IDH3B: variants seen among roughly 807,000 people sequenced by gnomAD.
The protein encoded by IDH3B is isocitrate dehydrogenase (NAD(+)) 3 non-catalytic subunit beta.
In IDH3B, 40 loss-of-function variants were observed where a neutral mutation model predicts 47.5. The observed-to-expected ratio is 0.84, with a 90% CI of 0.65 to 1.10. The LOEUF is 1.10. Among genes scored for constraint, IDH3B ranks in the 50% least tolerant of loss-of-function variants. The pLI, the probability that IDH3B is intolerant of heterozygous loss-of-function variation, is 0.00. For synonymous variants in IDH3B, 185 were observed against 191.0 expected (o/e 0.97, Z 0.26); for missense variants, 450 against 505.2 (o/e 0.89, Z 1.05).
chr20:2,661,939 T>C (rs1031442255), intron 4 of IDH3B, among the ~76,000 whole-genome samples: 1 of 151,968 alleles, frequency 6.6e-6, no homozygotes, highest in African/African-American at 2.4e-5. Flanking sequence ...AATCGTCCCA[T>C]CCAGGGCTAA....
At chr20:2,663,253 C>T (rs1304303164) in intron 4 of IDH3B, among the ~76,000 whole-genome samples, 193 bp downstream of exon 4, 1 of 152,202 alleles carries the variant, frequency 6.6e-6, no homozygotes, top group Non-Finnish European at 1.5e-5. Context: ...ACCCCTGGAA[C>T]TTTTCTGCAT....
chr20:2,659,226 C>T (rs2086889069), intron 11 of IDH3B: 4 of 1,440,654 alleles, frequency 2.8e-6, no homozygotes, highest in African/African-American at 1.4e-5. Flanking sequence ...GCTGTTCCAC[C>T]CCCAAGGAGA....
intron 11 of IDH3B, chr20:2,659,310 G>T: frequency 1.3e-6 from 2 of 1,512,770 alleles, no homozygotes; most frequent in Non-Finnish European, 1.8e-6. Context: ...CAGCAGATGG[G>T]ATCTAAGAGG....
intron 4 of IDH3B, among the ~76,000 whole-genome samples, chr20:2,663,034 G>A (rs888988863): frequency 6.6e-6 from 1 of 152,012 alleles, no homozygotes; most frequent in Non-Finnish European, 1.5e-5. Flanking sequence ...GGCTGAGGCA[G>A]GAGAATTGCT....
Position 2,660,552 on chromosome 20 carries a change from T to C in IDH3B, c.570A>G (p.Thr190=), listed in dbSNP as rs1199961090. ...TTGCAATCCGCTGAGACTTGGCTCGTGTGACAATCTTCAAACACTCAATCA... is the reference window on the plus strand; with the variant it reads ...TTGCAATCCGCTGAGACTTGGCTCGCGTGACAATCTTCAAACACTCAATCA... ...RGVIECLKIV[T]RAKSQRIAKF... is the part of the protein sequence containing the mutation. Residue 190 remains threonine (T), a synonymous_variant, in exon 7 of 12, where the codon ACA becomes ACG. Transcript: ENST00000380843. This position sits in a 1 kb window ranked among gnomAD's most constrained non-coding sequence, Gnocchi z 5.6. The C allele has an allele frequency of 1.9e-6, 3 of 1,614,108 alleles. No homozygotes were observed. The Admixed American group carries it at 5.0e-5, about 27-fold the overall frequency.
chr20:2,663,926 T>C lies in IDH3B; in HGVS notation c.116A>G (p.Gln39Arg), dbSNP rs772845236. ...SAAAHAASRS[Q>R]AEDVRVEGSF... ...GACCCCAGCCAGATTCGTGCATACCTGGCTCCGCGATGCAGCGTGCGCCGC... is the reference window on the plus strand; with the variant it reads ...GACCCCAGCCAGATTCGTGCATACCCGGCTCCGCGATGCAGCGTGCGCCGC... Residue 39 changes from glutamine to arginine, a missense_variant and splice_region_variant, in exon 2 of 12, where the codon CAG becomes CGG. Physicochemically the swap from Gln to Arg is conservative, Grantham distance 43. Coordinates refer to ENST00000380843, the MANE Select transcript of IDH3B (RefSeq NM_006899.5). 6 of 1,613,912 alleles carry C rather than the reference T, an allele frequency of 3.7e-6. No individual in the cohort carries two copies. In the East Asian group the frequency reaches 1.3e-4, roughly 36 times the overall value.
At chr20:2,661,177 C>CTGTGTGTGTG (rs71329398) in intron 4 of IDH3B, among the ~76,000 whole-genome samples, 2,868 of 150,128 alleles carry the variant, frequency 0.019, 39 homozygotes, top group East Asian at 0.068. Flanking sequence ...ATTGCATTTT[C>CTGTGTGTGTG]TGTGTGTGTG....
At position 2,662,575 on chromosome 20, in the gene IDH3B, T is replaced by C. The variant is rs183967967; in HGVS notation, c.337+871A>G. Among the ~76,000 whole-genome samples, 243 of 152,134 alleles carry C rather than the reference T, an allele frequency of 1.6e-3. 1 individual carries two copies. Among genetic ancestry groups the C allele is most frequent in the Middle Eastern group, 6.8e-3 (2 of 294 alleles). Reference sequence around the variant, plus strand: ...GGCTCACGCCTATAATCGCAGCAGTTTGGGATGCAGAGGTGGGTGGATCAC... The same window carrying C: ...GGCTCACGCCTATAATCGCAGCAGTCTGGGATGCAGAGGTGGGTGGATCAC... On this transcript the variant is annotated intron_variant, in intron 4 of 11. Coordinates refer to ENST00000380843, the MANE Select transcript of IDH3B (RefSeq NM_006899.5).
Position 2,663,497 on chromosome 20 carries a change from T to G in IDH3B, c.286A>C (p.Lys96Gln). Residue 96 changes from lysine to glutamine, a missense_variant, in exon 4 of 12, where the codon AAG becomes CAG. Lys to Gln is a moderately conservative substitution (Grantham distance 53). Transcript: ENST00000380843. ...SEVQNMASEE[K>Q]LEQVLSSMKE... Reference sequence around the variant, plus strand: ...ATGGAACTCAGCACCTGCTCCAGCTTCTCCTCAGATGCCATATTCTGCACC... The same window carrying G: ...ATGGAACTCAGCACCTGCTCCAGCTGCTCCTCAGATGCCATATTCTGCACC... The G allele has an allele frequency of 6.2e-7, 1 of 1,614,212 alleles. No homozygotes were observed. The highest frequency in any genetic ancestry group is 8.5e-7 in the Non-Finnish European group (1 of 1,180,030).
rs1279789399 is a variant in IDH3B at position 2,658,555 on chromosome 20, C to T, written c.*196G>A. On this transcript the variant is annotated 3_prime_UTR_variant, in exon 12 of 12. Transcript: ENST00000380843. ...GGAGAATCATCATCATCCATGTGGC[C>T]TGGGCTCCATCCTAACAATCCCCAT... 6.2e-7 allele frequency: 1 copy of T among 1,613,268 alleles called. No homozygotes were observed. Among genetic ancestry groups the T allele is most frequent in the East Asian group, 2.2e-5 (1 of 44,872 alleles).
chr20:2,659,362 T>C, intron 11 of IDH3B, 163 bp downstream of exon 11: 1 of 1,575,278 alleles, frequency 6.3e-7, no homozygotes, highest in Non-Finnish European at 8.6e-7. Context: ...AGAAGGGAGA[T>C]GAAGAACAGC....
At chr20:2,659,224 AC>A (rs1314836503) in intron 11 of IDH3B, 6 of 1,432,790 alleles carry the variant, frequency 4.2e-6, no homozygotes, top group African/African-American at 3.0e-5. Context: ...TTGCTGTTCC[AC>A]CCCCAAGGAG....
chr20:2,663,287 C>T (rs536801561), intron 4 of IDH3B, among the ~76,000 whole-genome samples, 159 bp downstream of exon 4: 1 of 152,262 alleles, frequency 6.6e-6, no homozygotes, highest in Non-Finnish European at 1.5e-5. Flanking sequence ...GATCTCTCAA[C>T]TCCTGGGCTC....
In IDH3B at chr20:2,663,343, G is replaced by A. The variant is rs988786372; in HGVS notation, c.337+103C>T. 4 of 1,366,018 alleles carry A rather than the reference G, an allele frequency of 2.9e-6. No individual in the cohort carries two copies. The African/African-American group carries it at 5.7e-5, about 19-fold the overall frequency. The allele number at this position is 1,366,018 out of a possible 1,614,324, so 84.6% of individuals were successfully genotyped here. A position where few individuals can be genotyped will look rare whatever the true frequency, so the allele number is the denominator to read the frequency against. ...TCCAAATACCAATGGTGGTTGCCCT[G>A]GAGTTAATATAATTGCATAGCATGT... On this transcript the variant is annotated intron_variant, in intron 4 of 11. Transcript: ENST00000380843.
Position 2,663,434 on chromosome 20 carries a change from G to A in IDH3B, c.337+12C>T. 4 of 1,614,054 alleles carry A rather than the reference G, an allele frequency of 2.5e-6. No individual in the cohort carries two copies. Among genetic ancestry groups the A allele is most frequent in the Non-Finnish European group, 3.4e-6 (4 of 1,179,918 alleles). ...AATGGCACATGGACAAGTGGCAAGA[G>A]GGCACACATACCAATGATGGCCACT... On this transcript the variant is annotated intron_variant, in intron 4 of 11. Transcript: ENST00000380843.
At position 2,660,998 on chromosome 20, in the gene IDH3B, T is replaced by C. The variant is rs1015155401; in HGVS notation, c.338-29A>G. 1 of 1,608,980 alleles carries C rather than the reference T, an allele frequency of 6.2e-7. No individual in the cohort carries two copies. ...TGAAAACAAAGTGGGAAAAGGAGTG[T>C]CAGCCACAGGCCAAGCCCAAGGGAA... On this transcript the variant is annotated intron_variant, in intron 4 of 11. Coordinates refer to ENST00000380843, the MANE Select transcript of IDH3B (RefSeq NM_006899.5). The surrounding 1 kb of genome is among the most constrained non-coding windows in gnomAD (Gnocchi z 5.6).
rs71329398 is a variant in IDH3B at position 2,661,177 on chromosome 20, C to CTGTGTGTG, written c.338-216_338-209dup. On this transcript the variant is annotated intron_variant, in intron 4 of 11. Transcript: ENST00000380843. ...AGAAACATTTCATCTATTGCATTTT[C>CTGTGTGTG]TGTGTGTGTGTGTGTGTGTGTGTGT... Among the ~76,000 whole-genome samples, 1,340 of 150,148 alleles carry CTGTGTGTG rather than the reference C, an allele frequency of 8.9e-3. 22 individuals carry two copies. The highest frequency in any genetic ancestry group is 0.051 in the Admixed American group (774 of 15,106).
chr20:2,663,721 G>C lies in IDH3B; in HGVS notation c.155C>G (p.Thr52Ser). The change falls in exon 3 of 12, where the codon ACC becomes AGC. Residue 52 changes from threonine (T) to serine (S), a missense_variant. Transcript: ENST00000380843. ...CCCCACACCGTCTCCCGGAAGCATGGTCACGGGAAAGGAGCCCTCCACCCT... is the reference window on the plus strand; with the variant it reads ...CCCCACACCGTCTCCCGGAAGCATGCTCACGGGAAAGGAGCCCTCCACCCT... ...DVRVEGSFPV[T>S]MLPGDGVGPE... 1 of 1,614,178 alleles carries C rather than the reference G, an allele frequency of 6.2e-7. No individual in the cohort carries two copies. Among genetic ancestry groups the C allele is most frequent in the African/African-American group, 1.3e-5 (1 of 75,058 alleles).
In IDH3B at chr20:2,663,579, G is replaced by A. The variant is rs772312939; in HGVS notation, c.217-13C>T. On this transcript the variant is annotated splice_polypyrimidine_tract_variant and intron_variant, in intron 3 of 11. Transcript: ENST00000380843. ...GGACAGCGGCAGCCTTCAGAGACAG[G>A]TTCCCAAAACATCACAGTCAAGGCC... is the stretch of plus-strand genomic sequence containing the variant. 2.5e-6 allele frequency: 4 copies of A among 1,614,132 alleles called. No homozygotes were observed. The highest frequency in any genetic ancestry group is 2.5e-6 in the Non-Finnish European group (3 of 1,180,034).
Sources: allele counts gnomAD v4.1 joint callset (sites outside exome capture counted in the v4.1 genomes callset), GRCh38; gene constraint gnomAD v4.1.1; non-coding constraint Gnocchi (gnomAD v3.1); transcripts MANE v1.5; gene names NCBI Gene and HGNC (gene_info 2026-07-23, HGNC 2026-07-21).